GLG1: variants seen among roughly 807,000 people sequenced by gnomAD.
GLG1 encodes the protein golgi glycoprotein 1, also known as Golgi apparatus protein 1.
A neutral mutation model predicts 160.5 loss-of-function variants in GLG1; 38 were observed. That is an observed-to-expected ratio of 0.24 (90% CI 0.18 to 0.31). The LOEUF (loss-of-function observed/expected upper bound fraction) is 0.31. GLG1 is among the 10% of genes least tolerant of loss of function. The pLI is 1.00. For missense variants in GLG1, 1,373 were observed against 1,505.2 expected, an observed-to-expected ratio of 0.91 and a Z score of 1.45; for synonymous variants, 644 against 543.4, an observed-to-expected ratio of 1.19 and a Z score of -2.57.
At position 74,533,086 on chromosome 16, in the gene GLG1, T is replaced by C. The variant is rs907828741; in HGVS notation, c.439-933A>G. 8.6e-5 allele frequency among the ~76,000 whole-genome samples: 13 copies of C among 151,738 alleles called. No homozygotes were observed. The East Asian group carries it at 9.9e-4, about 12-fold the overall frequency. ...CTGTAATCCCAGCACTTTGGGAGGC[T>C]GAGGTGGGCGGATCACAAGGTCAGG... On this transcript the variant is annotated intron_variant, in intron 1 of 25. Transcript: ENST00000422840.
At chr16:74,578,479 A>G (rs12919002) in intron 1 of GLG1, among the ~76,000 whole-genome samples, 22,785 of 152,264 alleles carry the variant, frequency 0.15, 2,121 homozygotes, top group Middle Eastern at 0.22. Context: ...ATTTTTTTAA[A>G]AAAATCAAGA....
chr16:74,581,490 T>C (rs1040779287), intron 1 of GLG1, among the ~76,000 whole-genome samples: 1 of 142,126 alleles, frequency 7.0e-6, no homozygotes, highest in African/African-American at 2.6e-5. Flanking sequence ...GACTCTGGAA[T>C]GGGAAGTTGT....
At chr16:74,582,662 T>C (rs796366473) in intron 1 of GLG1, among the ~76,000 whole-genome samples, 7 of 151,048 alleles carry the variant, frequency 4.6e-5, no homozygotes, top group South Asian at 2.1e-4. Flanking sequence ...CTACTAAAAA[T>C]ACAAAAATTA....
intron 19 of GLG1, among the ~76,000 whole-genome samples, chr16:74,465,056 CTCG>C (rs1293078112): frequency 6.6e-6 from 1 of 152,102 alleles, no homozygotes; most frequent in East Asian, 1.9e-4. Flanking sequence ...CCAGGCTGGT[CTCG>C]AACTCCTGAC....
intron 3 of GLG1, 67 bp from the exon 4 acceptor site, chr16:74,503,813 G>A: frequency 9.7e-7 from 1 of 1,031,024 alleles, no homozygotes; most frequent in Non-Finnish European, 1.5e-6. Flanking sequence ...ATTTATCAAA[G>A]AGAAAAATGT....
At chr16:74,485,016 C>T (rs2015741918) in intron 9 of GLG1, among the ~76,000 whole-genome samples, 1 of 152,044 alleles carries the variant, frequency 6.6e-6, no homozygotes, top group Non-Finnish European at 1.5e-5. Context: ...TGGGCTCAAG[C>T]AATCTTCCCA....
chr16:74,459,714 G>T lies in GLG1; in HGVS notation c.3112C>A (p.Leu1038Met). The change falls in exon 23 of 26, where the codon CTG (leucine) becomes ATG (methionine). Residue 1038 changes from leucine (L) to methionine (M), a missense_variant. Around this residue, in one of 4 missense-constraint regions of GLG1, gnomAD observed 491 missense variants for 632.1 expected, o/e 0.78. Coordinates refer to ENST00000422840, the MANE Select transcript of GLG1 (RefSeq NM_001145667.2). ...CACAATTCTGTTTTGATCTTGAGCA[G>T]GTTGACCTTGAGGCACTCCTCCACC... is the stretch of plus-strand genomic sequence containing the variant. ...GQVEECLKVN[L>M]LKIKTELCKK... is the part of the protein sequence containing the mutation. 1 of 1,599,508 alleles carries T rather than the reference G, an allele frequency of 6.3e-7. No individual in the cohort carries two copies.
In GLG1 at chr16:74,605,314, G is replaced by A. The variant is rs190663330; in HGVS notation, c.438+1343C>T. 4.6e-5 allele frequency among the ~76,000 whole-genome samples: 7 copies of A among 151,648 alleles called. No homozygotes were observed. In the East Asian group the frequency reaches 1.4e-3, roughly 29 times the overall value. ...CACATGAAGGATATATACACTCCTT[G>A]AATAGGCCACTTTTTGCCACTTTCC... On this transcript the variant is annotated intron_variant, in intron 1 of 25. Coordinates refer to ENST00000422840, the MANE Select transcript of GLG1 (RefSeq NM_001145667.2).
intron 22 of GLG1, chr16:74,461,746 C>T: frequency 5.9e-6 from 1 of 170,496 alleles, no homozygotes; most frequent in Non-Finnish European, 1.2e-5. Context: ...GTTGGGATTA[C>T]AGGCGTGAGC....
chr16:74,512,662 G>A (rs897941114), intron 2 of GLG1, among the ~76,000 whole-genome samples: 3 of 151,100 alleles, frequency 2.0e-5, no homozygotes, highest in Non-Finnish European at 4.4e-5. Flanking sequence ...AGGTAATGGG[G>A]ATGAGAAAGG....
chr16:74,495,106 CTTT>C (rs5817913), intron 5 of GLG1, among the ~76,000 whole-genome samples: 26 of 83,204 alleles, frequency 3.1e-4, no homozygotes, highest in Admixed American at 2.7e-4. Context: ...GAGTCTGAGT[CTTT>C]TTTTTTTTTT....
chr16:74,525,578 G>A (rs1045468541), intron 2 of GLG1, among the ~76,000 whole-genome samples: 12 of 150,308 alleles, frequency 8.0e-5, no homozygotes, highest in African/African-American at 2.0e-4. Flanking sequence ...TTAAAGGTAT[G>A]AGCCACCCCA....
rs1226608865 is a variant in GLG1, at chr16:74,452,818, T to C, written c.*349A>G. 9.8e-7 allele frequency: 1 copy of C among 1,018,716 alleles called. No homozygotes were observed. Among genetic ancestry groups the C allele is most frequent in the Non-Finnish European group, 1.2e-6 (1 of 852,060 alleles). 63.1% of individuals were successfully genotyped at this position (1,018,716 alleles called of 1,614,324 possible). On this transcript the variant is annotated 3_prime_UTR_variant, in exon 26 of 26. Transcript: ENST00000422840. ...TTTTCTTTAAAAAAATTTTTTTTTT[T>C]GGTGGTTTTCTTAAAAAAGCCTTTG...
At chr16:74,466,776 G>C (rs1043773622) in intron 18 of GLG1, among the ~76,000 whole-genome samples, 3 of 152,174 alleles carry the variant, frequency 2.0e-5, no homozygotes, top group Non-Finnish European at 4.4e-5. Flanking sequence ...GAGCAGAATG[G>C]ACAAAGCTGA....
chr16:74,507,755 C>G (rs919237254), intron 3 of GLG1, among the ~76,000 whole-genome samples: 1 of 152,012 alleles, frequency 6.6e-6, no homozygotes, highest in Non-Finnish European at 1.5e-5. Context: ...AATCTACTTA[C>G]AATTGTATAG....
chr16:74,597,302 G>A (rs779458547), intron 1 of GLG1, among the ~76,000 whole-genome samples: 1 of 150,606 alleles, frequency 6.6e-6, no homozygotes, highest in Non-Finnish European at 1.5e-5. Flanking sequence ...GTGGTGGGGT[G>A]CGCCTATAGT....
chr16:74,589,968 C>T (rs570229846), intron 1 of GLG1, among the ~76,000 whole-genome samples: 3 of 147,504 alleles, frequency 2.0e-5, no homozygotes, highest in African/African-American at 7.6e-5. Flanking sequence ...AAAAATATAC[C>T]GATAGTACAA....
rs987392400 is a variant in GLG1 at position 74,448,297 on chromosome 16, G to A, written c.*4870C>T. Reference sequence around the variant, plus strand: ...CTCAGACCCGGCCCCACGCCCTCTAGGAACCAAAGTCTAGTGGAGAGGAGG... The same window carrying A: ...CTCAGACCCGGCCCCACGCCCTCTAAGAACCAAAGTCTAGTGGAGAGGAGG... On this transcript the variant is annotated 3_prime_UTR_variant, in exon 26 of 26. Transcript: ENST00000422840. 2.0e-5 allele frequency: 3 copies of A among 152,232 alleles called. No homozygotes were observed. The highest frequency in any genetic ancestry group is 2.9e-5 in the Non-Finnish European group (2 of 68,062). The allele number at this position is 152,232 out of a possible 1,614,324, so 9.4% of individuals were successfully genotyped here.
intron 4 of GLG1, among the ~76,000 whole-genome samples, chr16:74,503,146 G>T (rs114207712): frequency 0.012 from 1,841 of 151,972 alleles, 34 homozygotes; most frequent in African/African-American, 0.042. Context: ...GGCTGAGGCT[G>T]CAATGAGCGG....
Sources: gnomAD v4.1 joint callset for allele counts (sites outside exome capture counted in the v4.1 genomes callset) on GRCh38, gnomAD v4.1.1 for gene constraint, gnomAD v4.1.1 regional missense constraint, MANE v1.5 for transcripts, NCBI Gene and HGNC (gene_info 2026-07-23, HGNC 2026-07-21) for gene names.